The following C14orf132 variants were observed in gnomAD, a reference collection of about 807,000 sequenced individuals.
C14orf132 encodes chromosome 14 open reading frame 132.
A neutral mutation model predicts 5.8 loss-of-function variants in C14orf132; 6 were observed. The ratio of observed to expected loss-of-function variants is 1.03; its 90% CI spans 0.57 to 2.04. C14orf132 has a LOEUF of 2.04. Ranked by LOEUF, C14orf132 falls within the 30% of genes most tolerant of loss-of-function variation. C14orf132 has a pLI of 0.00. For missense variants in C14orf132, 125 were observed against 115.8 expected (o/e 1.08, Z -0.37); for synonymous variants, 51 against 49.8 (o/e 1.02, Z -0.10).
chr14:96,049,032 C>A (rs1194444231), intron 1 of C14orf132, among the ~76,000 whole-genome samples: 1 of 152,126 alleles, frequency 6.6e-6, no homozygotes, highest in Non-Finnish European at 1.5e-5. Flanking sequence ...TCAAGCAATT[C>A]TCCTGCCTCG....
intron 1 of C14orf132, among the ~76,000 whole-genome samples, chr14:96,084,248 A>G (rs910064284): frequency 3.3e-5 from 5 of 152,230 alleles, no homozygotes; most frequent in African/African-American, 1.2e-4. Flanking sequence ...AGGGACAGGA[A>G]CGCTGGTTAA....
intron 1 of C14orf132, among the ~76,000 whole-genome samples, chr14:96,048,304 G>A (rs1886889031): frequency 6.6e-6 from 1 of 152,214 alleles, no homozygotes; most frequent in African/African-American, 2.4e-5. Context: ...GTTATAGACA[G>A]TATTTTCACT....
chr14:96,071,764 G>T (rs1289646936), intron 1 of C14orf132, among the ~76,000 whole-genome samples: 1 of 152,238 alleles, frequency 6.6e-6, no homozygotes, highest in Non-Finnish European at 1.5e-5. Flanking sequence ...CTCAGCAGAA[G>T]ACCAGCCCCA....
chr14:96,067,646 C>T (rs1055462274), intron 1 of C14orf132, among the ~76,000 whole-genome samples: 5 of 150,918 alleles, frequency 3.3e-5, no homozygotes, highest in African/African-American at 4.9e-5. Context: ...TTGCTGTGAG[C>T]GGAGATCAGG....
intron 1 of C14orf132, among the ~76,000 whole-genome samples, chr14:96,083,424 C>T (rs1292311520): frequency 2.0e-5 from 3 of 152,096 alleles, no homozygotes; most frequent in African/African-American, 4.8e-5. Context: ...GATGGATTAC[C>T]GTTCATGGCC....
intron 1 of C14orf132, among the ~76,000 whole-genome samples, chr14:96,047,577 AACAC>A (rs1464270080): frequency 6.6e-6 from 1 of 152,224 alleles, no homozygotes; most frequent in Non-Finnish European, 1.5e-5. Flanking sequence ...TGTGCTGAGC[AACAC>A]ACACAATCTC....
chr14:96,075,639 G>C (rs1887840308), intron 1 of C14orf132, among the ~76,000 whole-genome samples: 1 of 152,158 alleles, frequency 6.6e-6, no homozygotes, highest in Non-Finnish European at 1.5e-5. Context: ...AATCATGAGT[G>C]GATGTTTACT....
chr14:96,064,393 C>CATAT (rs1555385090), intron 1 of C14orf132, among the ~76,000 whole-genome samples: 1 of 146,334 alleles, frequency 6.8e-6, no homozygotes, highest in African/African-American at 2.6e-5. Context: ...CACACACACA[C>CATAT]ATATACATAT....
chr14:96,049,502 A>G (rs1194372409), intron 1 of C14orf132, among the ~76,000 whole-genome samples: 1 of 145,274 alleles, frequency 6.9e-6, no homozygotes, highest in Non-Finnish European at 1.5e-5. Context: ...ATATACGTAT[A>G]TATACGTATA....
chr14:96,063,091 A>T (rs984125816), intron 1 of C14orf132, among the ~76,000 whole-genome samples: 1 of 152,146 alleles, frequency 6.6e-6, no homozygotes, highest in African/African-American at 2.4e-5. Flanking sequence ...TGGATGAGGC[A>T]GGGATCGTCA....
Position 96,070,596 on chromosome 14 carries a change from TCACACACACA to T in C14orf132, c.28-15887_28-15878del, listed in dbSNP as rs77447486. On this transcript the variant is annotated intron_variant, in intron 1 of 1. Transcript: ENST00000555004. ...GGTAGATGAAGTCTCTCTCTCTCTC[TCACACACACA>T]CACACACACACACACACACACACAC... 5.6e-5 allele frequency among the ~76,000 whole-genome samples: 8 copies of T among 142,558 alleles called. No individual in the cohort carries two copies. In the East Asian group the frequency reaches 6.3e-4, roughly 11 times the overall value. 93.5% of individuals were successfully genotyped at this position (142,558 alleles called of 152,430 possible).
At chr14:96,067,093 T>C (rs1279044950) in intron 1 of C14orf132, among the ~76,000 whole-genome samples, 2 of 152,200 alleles carry the variant, frequency 1.3e-5, no homozygotes, top group Non-Finnish European at 2.9e-5. Context: ...AGAGCAGCTG[T>C]TACTCAAAAG....
At chr14:96,065,912 C>A (rs895887455) in intron 1 of C14orf132, among the ~76,000 whole-genome samples, 1 of 152,140 alleles carries the variant, frequency 6.6e-6, no homozygotes, top group Non-Finnish European at 1.5e-5. Flanking sequence ...TTTATGGCAA[C>A]CTTTGCCAGC....
At chr14:96,085,728 T>C (rs1284618875) in intron 1 of C14orf132, among the ~76,000 whole-genome samples, 1 of 152,194 alleles carries the variant, frequency 6.6e-6, no homozygotes, top group Non-Finnish European at 1.5e-5. Context: ...TAACAATGTG[T>C]GTACCATGAT....
intron 1 of C14orf132, among the ~76,000 whole-genome samples, chr14:96,075,211 T>C (rs1887827835): frequency 6.6e-6 from 1 of 152,186 alleles, no homozygotes; most frequent in South Asian, 2.1e-4. Flanking sequence ...TATTGTTTGT[T>C]GCTTGAGTGT....
At chr14:96,051,102 A>G (rs953765507) in intron 1 of C14orf132, 5 of 398,494 alleles carry the variant, frequency 1.3e-5, no homozygotes, top group African/African-American at 2.1e-5. Context: ...AAATGTGAGT[A>G]ACATACATAC....
intron 1 of C14orf132, among the ~76,000 whole-genome samples, chr14:96,057,628 C>G (rs1271686461): frequency 6.6e-6 from 1 of 152,140 alleles, no homozygotes; most frequent in Non-Finnish European, 1.5e-5. Flanking sequence ...TCCTTTTTGC[C>G]AAACAATGCA....
Position 96,091,707 on chromosome 14 carries a change from A to C in C14orf132, c.*4972A>C, listed in dbSNP as rs930707003. 2 of 152,662 alleles carry C rather than the reference A, an allele frequency of 1.3e-5. No individual in the cohort carries two copies. The highest frequency in any genetic ancestry group is 2.4e-5 in the African/African-American group (1 of 41,414). 9.5% of individuals were successfully genotyped at this position (152,662 alleles called of 1,614,324 possible). A position where few individuals can be genotyped will look rare whatever the true frequency, so the allele number is the denominator to read the frequency against. The stretch of plus-strand genomic sequence containing the variant: ...GGAACAGCCAGATCCTGAATGTTCT[A>C]TGTTCACCTGCCCCAGCCCCACCCA... On this transcript the variant is annotated 3_prime_UTR_variant, in exon 2 of 2. Transcript: ENST00000555004.
chr14:96,059,505 A>T (rs1026740907), intron 1 of C14orf132, among the ~76,000 whole-genome samples: 2 of 152,230 alleles, frequency 1.3e-5, no homozygotes, highest in African/African-American at 4.8e-5. Flanking sequence ...CAAGCCACAC[A>T]GGGAGCAAGT....
Sources: gnomAD v4.1 joint callset for allele counts (sites outside exome capture counted in the v4.1 genomes callset) on GRCh38, gnomAD v4.1.1 for gene constraint, MANE v1.5 for transcripts, NCBI Gene and HGNC (gene_info 2026-07-23, HGNC 2026-07-21) for gene names.